Variants in DIP2C observed in about 807,000 individuals in gnomAD.
The protein encoded by DIP2C is DIP2 acetate--CoA ligase C (putative), also known as disco-interacting protein 2 homolog C.
A neutral mutation model predicts 192.4 loss-of-function variants in DIP2C; 33 were observed. That is an observed-to-expected ratio of 0.17 (90% confidence interval 0.13 to 0.23). The LOEUF (loss-of-function observed/expected upper bound fraction) is 0.23, where lower values mean the gene tolerates loss of function less well. DIP2C is among the 10% of genes least tolerant of loss of function. The pLI, the probability that DIP2C is intolerant of heterozygous loss-of-function variation, is 1.00. For missense variants in DIP2C, 1,537 were observed against 2,110.1 expected (o/e 0.73, Z 5.32); for synonymous variants, 979 against 864.1 (o/e 1.13, Z -2.33).
At chr10:671,970 GAC>G (rs1179538090) in intron 1 of DIP2C, among the ~76,000 whole-genome samples, 1 of 137,064 alleles carries the variant, frequency 7.3e-6, no homozygotes, top group Non-Finnish European at 1.5e-5. Context: ...ACAGGCCACA[GAC>G]ACACGGAAGG....
At chr10:656,003 A>T (rs1856281659) in intron 1 of DIP2C, among the ~76,000 whole-genome samples, 1 of 151,824 alleles carries the variant, frequency 6.6e-6, no homozygotes, top group South Asian at 2.1e-4. Context: ...ATACTATATA[A>T]TGTTACACTG....
At position 684,720 on chromosome 10, in the gene DIP2C, C is replaced by A. The variant is rs559908824; in HGVS notation, c.85+4774G>T. Among the ~76,000 whole-genome samples the A allele has an allele frequency of 2.0e-3, 298 of 152,276 alleles. 2 individuals are homozygous for A. The highest frequency in any genetic ancestry group is 6.8e-3 in the African/African-American group (284 of 41,552). On this transcript the variant is annotated intron_variant, in intron 1 of 36. Transcript: ENST00000280886. The stretch of plus-strand genomic sequence containing the variant: ...GCCAAGTGTCCTGAAAAAGCCACCC[C>A]CAAAACCTACAAACCTCCCACTGGG...
intron 1 of DIP2C, among the ~76,000 whole-genome samples, chr10:487,827 C>T (rs925738789): frequency 6.6e-6 from 1 of 152,246 alleles, no homozygotes; most frequent in African/African-American, 2.4e-5. Context: ...TCTGCCACTT[C>T]AGCCTCCCAA....
intron 22 of DIP2C, among the ~76,000 whole-genome samples, chr10:361,199 A>G (rs1959448796): frequency 6.6e-6 from 1 of 152,172 alleles, no homozygotes; most frequent in African/African-American, 2.4e-5. Context: ...TCAAGTTATC[A>G]ATCACATGAA....
chr10:508,427 G>A (rs1845779998), intron 1 of DIP2C, among the ~76,000 whole-genome samples: 3 of 152,184 alleles, frequency 2.0e-5, no homozygotes, highest in Admixed American at 2.0e-4. Context: ...GCAAAAGGGG[G>A]TTAATTCTAA....
chr10:381,330 G>A (rs973182278), intron 17 of DIP2C, among the ~76,000 whole-genome samples: 6 of 152,220 alleles, frequency 3.9e-5, no homozygotes, highest in Admixed American at 1.3e-4. Flanking sequence ...GAACCGGCAT[G>A]GGGACACTGC....
intron 1 of DIP2C, among the ~76,000 whole-genome samples, chr10:554,673 T>C (rs1175258464): frequency 1.3e-5 from 2 of 152,214 alleles, no homozygotes; most frequent in Non-Finnish European, 2.9e-5. Context: ...CGTGGAGTCC[T>C]AGAACTGGCT....
chr10:386,079 C>G (rs907755763), intron 14 of DIP2C, among the ~76,000 whole-genome samples: 13 of 152,232 alleles, frequency 8.5e-5, no homozygotes, highest in African/African-American at 2.4e-4. Context: ...GAGAGGCGGC[C>G]CCGCGACGAG....
chr10:411,582 C>T (rs1383560397), intron 8 of DIP2C, among the ~76,000 whole-genome samples: 1 of 152,120 alleles, frequency 6.6e-6, no homozygotes, highest in Non-Finnish European at 1.5e-5. Flanking sequence ...TCAGTTACAC[C>T]AAGTTACTCA....
intron 1 of DIP2C, among the ~76,000 whole-genome samples, chr10:499,642 G>T (rs377405680): frequency 6.6e-6 from 1 of 152,196 alleles, no homozygotes; most frequent in Non-Finnish European, 1.5e-5. Context: ...CAAAAAAACA[G>T]ATCTCGTGAG....
At chr10:665,064 T>G (rs1035258433) in intron 1 of DIP2C, 2 of 152,204 alleles carry the variant, frequency 1.3e-5, no homozygotes, top group African/African-American at 4.8e-5. Flanking sequence ...TCAATTCTGT[T>G]GGAGTTGACC....
intron 3 of DIP2C, among the ~76,000 whole-genome samples, chr10:443,313 A>G (rs921569529): frequency 6.6e-6 from 1 of 152,148 alleles, no homozygotes; most frequent in African/African-American, 2.4e-5. Context: ...TTTATCTTTC[A>G]TCACTCATTT....
intron 1 of DIP2C, among the ~76,000 whole-genome samples, chr10:654,613 C>A (rs1268176399): frequency 6.6e-6 from 1 of 152,152 alleles, no homozygotes; most frequent in African/African-American, 2.4e-5. Context: ...AGAACACTAC[C>A]AAAGAGGACC....
At chr10:475,271 C>T (rs17221295) in intron 2 of DIP2C, among the ~76,000 whole-genome samples, 4,699 of 152,324 alleles carry the variant, frequency 0.031, 115 homozygotes, top group Non-Finnish European at 0.046. Flanking sequence ...TTGGCTTTCT[C>T]CATTTTGCTA....
intron 17 of DIP2C, among the ~76,000 whole-genome samples, chr10:373,765 A>G (rs1442271529): frequency 1.3e-5 from 2 of 152,256 alleles, no homozygotes; most frequent in East Asian, 3.9e-4. Context: ...CCTGCTCTCC[A>G]TTATCTCAAG....
At chr10:561,741 A>C (rs969501937) in intron 1 of DIP2C, among the ~76,000 whole-genome samples, 3 of 152,024 alleles carry the variant, frequency 2.0e-5, no homozygotes, top group Non-Finnish European at 4.4e-5. Context: ...TCTGCCAGGA[A>C]GGGAAGACTC....
At position 336,608 on chromosome 10, in the gene DIP2C, T is replaced by C. The variant is rs947646823; in HGVS notation, c.3584+4591A>G. 4.6e-5 allele frequency among the ~76,000 whole-genome samples: 7 copies of C among 152,378 alleles called. No individual in the cohort carries two copies. In the South Asian group the frequency reaches 1.0e-3, roughly 23 times the overall value. On this transcript the variant is annotated intron_variant, in intron 29 of 36. Coordinates refer to ENST00000280886, the MANE Select transcript of DIP2C (RefSeq NM_014974.3). The stretch of plus-strand genomic sequence containing the variant: ...AACTGTTACTGGTTTATGAATTTAC[T>C]GTACTTTGTTATTTTACAGCATCCT...
At chr10:593,620 T>G (rs1303562507) in intron 1 of DIP2C, among the ~76,000 whole-genome samples, 1 of 151,668 alleles carries the variant, frequency 6.6e-6, no homozygotes, top group Admixed American at 6.6e-5. Context: ...GGGCCAAGCA[T>G]GGAGACGGCA....
intron 3 of DIP2C, among the ~76,000 whole-genome samples, chr10:451,284 C>G (rs781088715): frequency 6.2e-4 from 88 of 141,280 alleles, no homozygotes; most frequent in Non-Finnish European, 1.1e-3. Flanking sequence ...ACCAAACCAC[C>G]ACCTCAAACC....
Sources: allele counts gnomAD v4.1 joint callset (sites outside exome capture counted in the v4.1 genomes callset), GRCh38; gene constraint gnomAD v4.1.1; transcripts MANE v1.5; gene names NCBI Gene and HGNC (gene_info 2026-07-23, HGNC 2026-07-21).